AMOTL1: variants seen among roughly 807,000 people sequenced by gnomAD.
AMOTL1 encodes the protein angiomotin like 1.
Under a neutral mutation model 102.9 loss-of-function variants are expected in AMOTL1, and 45 were observed. The observed-to-expected ratio is 0.44, with a 90% CI of 0.34 to 0.56. AMOTL1 has a LOEUF of 0.56. Ranked by LOEUF, AMOTL1 falls within the 20% of genes least tolerant of loss-of-function variation. AMOTL1 has a pLI of 0.01. For missense variants in AMOTL1, 1,114 were observed against 1,225.6 expected (o/e 0.91, Z 1.36); for synonymous variants, 481 against 484.7 (o/e 0.99, Z 0.10).
chr11:94,734,567 A>G (rs1451366327), intron 2 of AMOTL1, among the ~76,000 whole-genome samples: 9 of 152,216 alleles, frequency 5.9e-5, no homozygotes, highest in Admixed American at 5.9e-4. Flanking sequence ...GGAGGTGCAG[A>G]TAAGAGACAA....
At chr11:94,833,501 A>G (rs1463433169) in intron 6 of AMOTL1, among the ~76,000 whole-genome samples, 1 of 152,238 alleles carries the variant, frequency 6.6e-6, no homozygotes, top group East Asian at 1.9e-4. Flanking sequence ...TATCTTATAG[A>G]AGACACTTTT....
At chr11:94,851,495 C>A (rs568402944) in intron 7 of AMOTL1, among the ~76,000 whole-genome samples, 2 of 152,236 alleles carry the variant, frequency 1.3e-5, no homozygotes, top group East Asian at 3.9e-4. Flanking sequence ...AGCATCACTC[C>A]TTTCTAATTA....
intron 10 of AMOTL1, among the ~76,000 whole-genome samples, chr11:94,865,687 T>C (rs1356385189): frequency 6.6e-6 from 1 of 152,136 alleles, no homozygotes; most frequent in Non-Finnish European, 1.5e-5. Context: ...GGTCCAGGAA[T>C]GTGGCCACGG....
At chr11:94,754,680 C>A (rs917771512) in intron 3 of AMOTL1, among the ~76,000 whole-genome samples, 1 of 152,096 alleles carries the variant, frequency 6.6e-6, no homozygotes, top group African/African-American at 2.4e-5. Context: ...CACTGTTTAC[C>A]AAATGAGAGA....
Position 94,869,112 on chromosome 11 carries a change from A to G in AMOTL1, c.2489-86A>G, listed in dbSNP as rs954932238. 2.2e-6 allele frequency: 3 copies of G among 1,385,454 alleles called. No homozygotes were observed. The African/African-American group carries it at 4.4e-5, about 20-fold the overall frequency. 85.8% of individuals were successfully genotyped at this position (1,385,454 alleles called of 1,614,324 possible). On this transcript the variant is annotated intron_variant, in intron 11 of 12. Transcript: ENST00000433060. ...CAATGAATGAATGAAGCAATCATCAATCAACAAGGAACAGATCTGCAAGAC... is the reference window on the plus strand; with the variant it reads ...CAATGAATGAATGAAGCAATCATCAGTCAACAAGGAACAGATCTGCAAGAC...
At chr11:94,857,830 A>G (rs1952698464) in intron 8 of AMOTL1, among the ~76,000 whole-genome samples, 1 of 152,154 alleles carries the variant, frequency 6.6e-6, no homozygotes, top group African/African-American at 2.4e-5. Flanking sequence ...ACCCTGGTAC[A>G]TGGTACATGC....
intron 2 of AMOTL1, among the ~76,000 whole-genome samples, chr11:94,735,808 C>T (rs990850121): frequency 2.0e-5 from 3 of 152,218 alleles, no homozygotes; most frequent in Admixed American, 2.0e-4. Flanking sequence ...TCAGTTTATA[C>T]TCATCTATAC....
intron 3 of AMOTL1, among the ~76,000 whole-genome samples, chr11:94,745,942 G>A (rs769657829): frequency 6.6e-6 from 1 of 152,094 alleles, no homozygotes; most frequent in East Asian, 1.9e-4. Flanking sequence ...TTAGTGATTC[G>A]TCCCTGGAGC....
At chr11:94,830,255 C>T (rs982897156) in intron 5 of AMOTL1, 61 bp downstream of exon 5, 6 of 1,475,048 alleles carry the variant, frequency 4.1e-6, no homozygotes, top group Non-Finnish European at 5.4e-6. Flanking sequence ...TAGCTAAAAG[C>T]ACGACTTCAA....
intron 3 of AMOTL1, among the ~76,000 whole-genome samples, chr11:94,751,507 C>T (rs967846165): frequency 3.3e-5 from 5 of 152,024 alleles, no homozygotes; most frequent in Admixed American, 1.3e-4. Context: ...TACAAAAGGA[C>T]GATTCAGGGC....
At chr11:94,816,874 G>A (rs904644867) in intron 3 of AMOTL1, among the ~76,000 whole-genome samples, 2 of 152,172 alleles carry the variant, frequency 1.3e-5, no homozygotes, top group Non-Finnish European at 2.9e-5. Context: ...TATTGTGGAA[G>A]AGGTGGGCAT....
chr11:94,837,648 A>G (rs1350900012), intron 6 of AMOTL1, among the ~76,000 whole-genome samples: 1 of 152,166 alleles, frequency 6.6e-6, no homozygotes, highest in African/African-American at 2.4e-5. Context: ...CTCCTCCCCA[A>G]GTGTGAAAAT....
Position 94,873,860 on chromosome 11 carries a change from T to C in AMOTL1, c.*3065T>C, listed in dbSNP as rs60984775. Reference sequence around the variant, plus strand: ...TAAGAAATAGGACTAAGCCCAGAACTCCTAGAATCACCTATAAATGCTAGG... The same window carrying C: ...TAAGAAATAGGACTAAGCCCAGAACCCCTAGAATCACCTATAAATGCTAGG... On this transcript the variant is annotated 3_prime_UTR_variant, in exon 13 of 13. Transcript: ENST00000433060. The C allele has an allele frequency of 0.06, 9,127 of 151,878 alleles. 493 individuals carry two copies. Among genetic ancestry groups the C allele is most frequent in the African/African-American group, 0.14 (5,766 of 41,332 alleles). The allele number at this position is 151,878 out of a possible 1,614,324, so 9.4% of individuals were successfully genotyped here.
In AMOTL1 at chr11:94,726,408, A is replaced by G. The variant is rs571109556; in HGVS notation, c.-50-2513A>G. 1.3e-4 allele frequency among the ~76,000 whole-genome samples: 20 copies of G among 152,304 alleles called. No individual in the cohort carries two copies. The East Asian group carries it at 2.7e-3, about 21-fold the overall frequency. On this transcript the variant is annotated intron_variant, in intron 1 of 4. Coordinates refer to the AMOTL1 transcript ENST00000299004. ...TATGAAGTGCCAATTATGTATTCATAGTATTCCAGTATTCCATAGACCCCA... is the reference window on the plus strand; with the variant it reads ...TATGAAGTGCCAATTATGTATTCATGGTATTCCAGTATTCCATAGACCCCA...
intron 1 of AMOTL1, among the ~76,000 whole-genome samples, chr11:94,722,339 A>T (rs983325715): frequency 6.6e-6 from 1 of 152,184 alleles, no homozygotes; most frequent in South Asian, 2.1e-4. Context: ...TGCAGTCTGC[A>T]GATGGGACAA....
intron 3 of AMOTL1, among the ~76,000 whole-genome samples, chr11:94,747,476 G>T (rs1194210173): frequency 2.0e-5 from 3 of 152,188 alleles, no homozygotes; most frequent in Non-Finnish European, 4.4e-5. Flanking sequence ...TCCTCATTCA[G>T]GCAGGATGTA....
At chr11:94,804,434 T>C (rs928483434) in intron 3 of AMOTL1, among the ~76,000 whole-genome samples, 7 of 152,174 alleles carry the variant, frequency 4.6e-5, no homozygotes, top group Admixed American at 4.6e-4. Context: ...ATTACAGGCA[T>C]GTGCCACCGT....
At chr11:94,783,387 A>G (rs980088037) in intron 1 of AMOTL1, among the ~76,000 whole-genome samples, 1 of 152,168 alleles carries the variant, frequency 6.6e-6, no homozygotes, top group Admixed American at 6.5e-5. Flanking sequence ...ATTTTCCAGC[A>G]TGTTTCCCTG....
intron 3 of AMOTL1, among the ~76,000 whole-genome samples, chr11:94,802,899 G>T (rs1951502522): frequency 6.6e-6 from 1 of 152,232 alleles, no homozygotes; most frequent in South Asian, 2.1e-4. Context: ...AAGACAAGTA[G>T]GGCCCCTTTC....
Sources: allele counts gnomAD v4.1 joint callset (sites outside exome capture counted in the v4.1 genomes callset), GRCh38; gene constraint gnomAD v4.1.1; transcripts MANE v1.5; gene names NCBI Gene and HGNC (gene_info 2026-07-23, HGNC 2026-07-21).